Variants in DGKB observed in about 807,000 individuals in gnomAD.
The protein encoded by DGKB is 90 kDa diacylglycerol kinase.
A neutral mutation model predicts 114.3 loss-of-function variants in DGKB; 67 were observed. The ratio of observed to expected loss-of-function variants is 0.59; its 90% CI spans 0.48 to 0.72. The LOEUF (loss-of-function observed/expected upper bound fraction) is 0.72. Among genes scored for constraint, DGKB ranks in the 30% least tolerant of loss-of-function variants. The pLI is 0.00. For synonymous variants in DGKB, 398 were observed against 323.1 expected, an observed-to-expected ratio of 1.23 and a Z score of -2.49; for missense variants, 907 against 975.2, an observed-to-expected ratio of 0.93 and a Z score of 0.93.
chr7:14,256,453 T>A (rs1795982922), intron 23 of DGKB, among the ~76,000 whole-genome samples: 1 of 79,692 alleles, frequency 1.3e-5, no homozygotes, highest in Admixed American at 1.3e-4. Context: ...TTATTTCCAT[T>A]CTAAAATAAA....
At chr7:14,654,917 A>G (rs1016778765) in intron 13 of DGKB, among the ~76,000 whole-genome samples, 1 of 151,950 alleles carries the variant, frequency 6.6e-6, no homozygotes, top group East Asian at 1.9e-4. Context: ...ACCCAAAACT[A>G]TAAAACTACT....
chr7:14,844,073 T>C (rs954665511), intron 1 of DGKB, among the ~76,000 whole-genome samples: 1 of 152,236 alleles, frequency 6.6e-6, no homozygotes, highest in Admixed American at 6.5e-5. Context: ...ACAAGAAAGA[T>C]AGTGAAAATA....
chr7:14,776,289 T>C (rs1838168664), intron 2 of DGKB, among the ~76,000 whole-genome samples: 1 of 152,182 alleles, frequency 6.6e-6, no homozygotes, highest in South Asian at 2.1e-4. Context: ...AATCCATTTT[T>C]TGGGGAGAAA....
intron 17 of DGKB, among the ~76,000 whole-genome samples, chr7:14,595,192 G>T (rs189943659): frequency 2.2e-3 from 328 of 152,170 alleles, no homozygotes; most frequent in African/African-American, 7.3e-3. Flanking sequence ...GTGAAGGGTT[G>T]TTATGTAAGA....
chr7:14,245,204 G>C (rs1794296535), intron 23 of DGKB, among the ~76,000 whole-genome samples: 1 of 151,882 alleles, frequency 6.6e-6, no homozygotes, highest in African/African-American at 2.4e-5. Context: ...CACACACTGT[G>C]CTAAACTTTA....
chr7:14,474,221 T>C (rs919502532), intron 21 of DGKB, among the ~76,000 whole-genome samples: 2 of 152,164 alleles, frequency 1.3e-5, no homozygotes, highest in African/African-American at 4.8e-5. Flanking sequence ...GCTGTTCTTA[T>C]GATAGTGAGT....
Position 14,607,588 on chromosome 7 carries a change from A to G in DGKB, c.1359-80T>C, listed in dbSNP as rs1804754779. ...TAAGTAATGTCTCTCAGTGTTATAAAATATATATAGTTGCAATTAATTATA... is the reference window on the plus strand; with the variant it reads ...TAAGTAATGTCTCTCAGTGTTATAAGATATATATAGTTGCAATTAATTATA... On this transcript the variant is annotated intron_variant, in intron 16 of 25. Coordinates refer to ENST00000402815, the MANE Select transcript of DGKB (RefSeq NM_001350709.2). 4 of 518,416 alleles carry G rather than the reference A, an allele frequency of 7.7e-6. No homozygotes were observed. In the Middle Eastern group the frequency reaches 1.5e-3, roughly 196 times the overall value. The allele number at this position is 518,416 out of a possible 1,614,324, so 32.1% of individuals were successfully genotyped here. A position where few individuals can be genotyped will look rare whatever the true frequency, so the allele number is the denominator to read the frequency against.
At chr7:14,583,430 C>A (rs1584953965) in intron 17 of DGKB, among the ~76,000 whole-genome samples, 1 of 151,982 alleles carries the variant, frequency 6.6e-6, no homozygotes, top group Non-Finnish European at 1.5e-5. Context: ...TAATAATTTT[C>A]ATTGATATTC....
upstream of DGKB, among the ~76,000 whole-genome samples, chr7:14,905,734 A>G (rs1043935358): frequency 6.6e-6 from 1 of 152,148 alleles, no homozygotes; most frequent in Non-Finnish European, 1.5e-5. Flanking sequence ...ACAACAGCAA[A>G]AGCAAGCCAT....
intron 4 of DGKB, among the ~76,000 whole-genome samples, chr7:14,742,302 C>A (rs1832693790): frequency 6.6e-6 from 1 of 152,178 alleles, no homozygotes; most frequent in South Asian, 2.1e-4. Context: ...ACTGGATCTT[C>A]TTCTGTCTGT....
chr7:14,967,521 A>C (rs7792076), intron 1 of DGKB, among the ~76,000 whole-genome samples: 1 of 151,232 alleles, frequency 6.6e-6, no homozygotes, highest in African/African-American at 2.4e-5. Context: ...AGGTTTCACC[A>C]TGTTGGCCAG....
chr7:14,885,554 AGAG>A (rs764376032), intron 1 of DGKB, among the ~76,000 whole-genome samples: 13 of 151,826 alleles, frequency 8.6e-5, no homozygotes, highest in Non-Finnish European at 1.3e-4. Context: ...AGTGGCACAT[AGAG>A]ATAAAATAAA....
chr7:14,504,403 T>C (rs187331743), intron 20 of DGKB, among the ~76,000 whole-genome samples: 79 of 152,298 alleles, frequency 5.2e-4, no homozygotes, highest in African/African-American at 1.9e-3. Flanking sequence ...TGGATATCCA[T>C]TGACTAGCTT....
At chr7:14,819,479 A>G (rs1688818319) in intron 2 of DGKB, among the ~76,000 whole-genome samples, 1 of 152,122 alleles carries the variant, frequency 6.6e-6, no homozygotes, top group Admixed American at 6.5e-5. Context: ...GGTCCCAGCT[A>G]TTCGGGAGGC....
At chr7:14,497,204 G>A (rs907848702) in intron 20 of DGKB, among the ~76,000 whole-genome samples, 5 of 151,464 alleles carry the variant, frequency 3.3e-5, no homozygotes, top group Non-Finnish European at 5.9e-5. Context: ...AAAGAAAGGG[G>A]GAAAAGGAAT....
chr7:14,581,162 C>T (rs142235600), intron 18 of DGKB, among the ~76,000 whole-genome samples: 11 of 152,098 alleles, frequency 7.2e-5, no homozygotes, highest in African/African-American at 1.7e-4. Flanking sequence ...CTATTATTCA[C>T]GGAATGATGG....
chr7:14,503,759 G>C (rs1441646471), intron 20 of DGKB, among the ~76,000 whole-genome samples: 1 of 152,110 alleles, frequency 6.6e-6, no homozygotes, highest in Non-Finnish European at 1.5e-5. Context: ...ATAGGGATGT[G>C]ATTTAAGACA....
intron 23 of DGKB, chr7:14,191,938 TA>T: frequency 1.5e-6 from 1 of 664,462 alleles, no homozygotes; most frequent in African/African-American, 1.8e-5. Flanking sequence ...AAGATGGCCC[TA>T]AATACTTGAA....
chr7:14,485,814 C>T (rs181682165), intron 20 of DGKB, among the ~76,000 whole-genome samples: 2 of 151,312 alleles, frequency 1.3e-5, no homozygotes, highest in East Asian at 2.0e-4. Context: ...TCATTTGAAC[C>T]CAGGAGGCGG....
Sources: allele counts gnomAD v4.1 joint callset (sites outside exome capture counted in the v4.1 genomes callset), GRCh38; gene constraint gnomAD v4.1.1; transcripts MANE v1.5; gene names NCBI Gene and HGNC (gene_info 2026-07-23, HGNC 2026-07-21).